The following OLFM3 variants were observed in gnomAD, a reference collection of about 807,000 sequenced individuals.
OLFM3 encodes the protein noelin-3.
In OLFM3, 20 loss-of-function variants were observed where a neutral mutation model predicts 48.6. The observed-to-expected ratio is 0.41, with a 90% CI of 0.29 to 0.60. The LOEUF (loss-of-function observed/expected upper bound fraction) is 0.60. OLFM3 is among the 20% of genes least tolerant of loss of function. The pLI is 0.28. For missense variants in OLFM3, 437 were observed against 544.3 expected, an observed-to-expected ratio of 0.80 and a Z score of 1.96; for synonymous variants, 222 against 198.1, an observed-to-expected ratio of 1.12 and a Z score of -1.01.
At chr1:101,975,883 T>C (rs1660939633) in intron 1 of OLFM3, among the ~76,000 whole-genome samples, 1 of 151,522 alleles carries the variant, frequency 6.6e-6, no homozygotes, top group Non-Finnish European at 1.5e-5. Flanking sequence ...AAACAAAGAA[T>C]ATGCAAAAAT....
chr1:101,921,446 TAGAA>T (rs1222565333), intron 1 of OLFM3, among the ~76,000 whole-genome samples: 3 of 152,160 alleles, frequency 2.0e-5, no homozygotes, highest in African/African-American at 7.2e-5. Flanking sequence ...TCTTCTGGGC[TAGAA>T]AGAGAGGAAC....
intron 3 of OLFM3, among the ~76,000 whole-genome samples, 199 bp from the exon 4 acceptor site, chr1:101,825,444 C>T (rs1023688825): frequency 6.6e-6 from 1 of 152,098 alleles, no homozygotes; most frequent in African/African-American, 2.4e-5. Context: ...TCAGCTTTTC[C>T]ATATGAGAAT....
intron 4 of OLFM3, among the ~76,000 whole-genome samples, chr1:101,814,719 C>T (rs1000940969): frequency 6.6e-6 from 1 of 152,112 alleles, no homozygotes; most frequent in African/African-American, 2.4e-5. Context: ...CGCTGGAGAC[C>T]TTGAACAATT....
chr1:101,831,496 G>A (rs1655146452), intron 2 of OLFM3, among the ~76,000 whole-genome samples: 1 of 152,116 alleles, frequency 6.6e-6, no homozygotes, highest in Non-Finnish European at 1.5e-5. Flanking sequence ...CTATTTGGAA[G>A]TAAAAAAGAG....
At chr1:101,982,594 AG>A (rs1661133195) in intron 1 of OLFM3, among the ~76,000 whole-genome samples, 1 of 152,214 alleles carries the variant, frequency 6.6e-6, no homozygotes, top group Non-Finnish European at 1.5e-5. Flanking sequence ...TGGTAGGCTG[AG>A]TAAAGTAACT....
intron 1 of OLFM3, among the ~76,000 whole-genome samples, chr1:101,980,374 T>C (rs1446159901): frequency 1.3e-5 from 2 of 152,174 alleles, no homozygotes; most frequent in Admixed American, 6.5e-5. Flanking sequence ...AATCTCCATG[T>C]GTCAAGGGTG....
chr1:101,988,068 T>G (rs1439164493), intron 1 of OLFM3, among the ~76,000 whole-genome samples: 1 of 152,098 alleles, frequency 6.6e-6, no homozygotes, highest in African/African-American at 2.4e-5. Flanking sequence ...CTTTTCTTTA[T>G]ATGGCACAGT....
intron 1 of OLFM3, among the ~76,000 whole-genome samples, chr1:101,977,464 G>C (rs1263497237): frequency 6.6e-6 from 1 of 152,084 alleles, no homozygotes; most frequent in Non-Finnish European, 1.5e-5. Context: ...ACAGCATCTG[G>C]GAGACCTGAA....
chr1:101,946,188 A>C (rs1458643039), intron 1 of OLFM3, among the ~76,000 whole-genome samples: 1 of 127,568 alleles, frequency 7.8e-6, no homozygotes. Context: ...ATGACTGCTT[A>C]GACATTTCTC....
At chr1:101,990,508 ATT>A (rs1284215037) in intron 1 of OLFM3, among the ~76,000 whole-genome samples, 3 of 152,168 alleles carry the variant, frequency 2.0e-5, no homozygotes, top group Non-Finnish European at 4.4e-5. Context: ...TTGCTGTTAT[ATT>A]ATTTCATTGT....
chr1:101,890,354 G>GACAC (rs3079207), intron 1 of OLFM3, among the ~76,000 whole-genome samples: 3 of 150,428 alleles, frequency 2.0e-5, no homozygotes, highest in South Asian at 2.1e-4. Flanking sequence ...TATGCCTATA[G>GACAC]ACACACACAC....
intron 1 of OLFM3, among the ~76,000 whole-genome samples, chr1:101,955,579 A>G (rs1045897212): frequency 3.3e-5 from 5 of 151,718 alleles, no homozygotes; most frequent in Admixed American, 2.6e-4. Context: ...TTTCTAAGAC[A>G]ATTCTCACTT....
At chr1:101,980,764 G>A (rs746655442) in intron 1 of OLFM3, among the ~76,000 whole-genome samples, 4 of 152,056 alleles carry the variant, frequency 2.6e-5, no homozygotes, top group East Asian at 1.9e-4. Context: ...AATTTGTGTC[G>A]AATGCCCTCC....
At chr1:101,840,309 G>A (rs1655655315) in intron 1 of OLFM3, among the ~76,000 whole-genome samples, 1 of 152,106 alleles carries the variant, frequency 6.6e-6, no homozygotes, top group South Asian at 2.1e-4. Context: ...TATGGACTAG[G>A]TGGTGGTATT....
intron 1 of OLFM3, among the ~76,000 whole-genome samples, chr1:101,957,657 T>C (rs1364737458): frequency 6.6e-6 from 1 of 152,052 alleles, no homozygotes; most frequent in East Asian, 1.9e-4. Context: ...CCTTGAAATT[T>C]AAGAAAATTA....
At chr1:101,916,010 G>C (rs186156023) in intron 1 of OLFM3, among the ~76,000 whole-genome samples, 82 of 152,128 alleles carry the variant, frequency 5.4e-4, no homozygotes, top group African/African-American at 1.9e-3. Flanking sequence ...GTATATATGG[G>C]AAATTGACAC....
intron 1 of OLFM3, among the ~76,000 whole-genome samples, chr1:101,973,557 T>A (rs1042351965): frequency 2.0e-5 from 3 of 152,214 alleles, no homozygotes; most frequent in African/African-American, 7.2e-5. Flanking sequence ...GTCAAAGTGG[T>A]ACTTAAAATT....
In OLFM3 at chr1:101,996,827, G is replaced by C. The variant is rs1382365713; in HGVS notation, c.-11C>G. The C allele has an allele frequency of 6.2e-7, 1 of 1,614,038 alleles. No individual in the cohort carries two copies. Among genetic ancestry groups the C allele is most frequent in the Non-Finnish European group, 8.5e-7 (1 of 1,180,012 alleles). Reference sequence around the variant, plus strand: ...GGACGTCGCCTGCATTCTGATCTGGGTTTTTGCCCCTCTTTACTCTCTTTT... The same window carrying C: ...GGACGTCGCCTGCATTCTGATCTGGCTTTTTGCCCCTCTTTACTCTCTTTT... On this transcript the variant is annotated 5_prime_UTR_variant, in exon 1 of 6. Coordinates refer to ENST00000370103, the MANE Select transcript of OLFM3 (RefSeq NM_058170.4).
chr1:101,840,034 T>C (rs1159489854), intron 1 of OLFM3, among the ~76,000 whole-genome samples: 1 of 152,150 alleles, frequency 6.6e-6, no homozygotes, highest in East Asian at 1.9e-4. Context: ...CAGTGATAAA[T>C]AGAAGCTTTA....
Sources: gnomAD v4.1 joint callset for allele counts (sites outside exome capture counted in the v4.1 genomes callset) on GRCh38, gnomAD v4.1.1 for gene constraint, MANE v1.5 for transcripts, NCBI Gene and HGNC (gene_info 2026-07-23, HGNC 2026-07-21) for gene names.